Variants in DZIP3 observed in about 807,000 individuals in gnomAD.
DZIP3 encodes the protein E3 ubiquitin-protein ligase DZIP3.
Under a neutral mutation model 162.0 loss-of-function variants are expected in DZIP3, and 118 were observed. The observed-to-expected ratio is 0.73, with a 90% confidence interval of 0.63 to 0.85. The LOEUF is 0.85. Among genes scored for constraint, DZIP3 ranks in the 40% least tolerant of loss-of-function variants. DZIP3 has a pLI of 0.00. For missense variants in DZIP3, 1,331 were observed against 1,407.0 expected (o/e 0.95, Z 0.86); for synonymous variants, 438 against 458.6 (o/e 0.96, Z 0.57).
intron 26 of DZIP3, among the ~76,000 whole-genome samples, chr3:108,680,082 C>T (rs1273084841): frequency 6.6e-6 from 1 of 151,874 alleles, no homozygotes; most frequent in African/African-American, 2.4e-5. Flanking sequence ...AAGCATTTGA[C>T]AAAATTCAAC....
chr3:108,590,719 G>A (rs1348190915), intron 1 of DZIP3, among the ~76,000 whole-genome samples: 3 of 152,224 alleles, frequency 2.0e-5, no homozygotes, highest in South Asian at 4.1e-4. Context: ...GTGGTAAAGA[G>A]TAGAGAGCCA....
chr3:108,634,821 T>C (rs1427830257), intron 9 of DZIP3, 50 bp from the exon 10 acceptor site: 1 of 1,190,032 alleles, frequency 8.4e-7, no homozygotes, highest in East Asian at 2.5e-5. Context: ...TTTTTATCTA[T>C]ACAAGAATCA....
At chr3:108,648,684 A>T in intron 16 of DZIP3, 1 of 228,204 alleles carries the variant, frequency 4.4e-6, no homozygotes, top group Non-Finnish European at 9.1e-6. Context: ...TCAGTAACCT[A>T]CTTATTGACA....
intron 10 of DZIP3, among the ~76,000 whole-genome samples, chr3:108,635,874 T>G (rs1942126424): frequency 6.6e-6 from 1 of 151,612 alleles, no homozygotes; most frequent in African/African-American, 2.4e-5. Context: ...AAAGCAATTG[T>G]GGTGTAGTAG....
intron 5 of DZIP3, among the ~76,000 whole-genome samples, chr3:108,618,150 C>T (rs893544078): frequency 5.9e-5 from 9 of 152,162 alleles, no homozygotes; most frequent in African/African-American, 2.2e-4. Context: ...TTGGAATAAT[C>T]TTTGCTGATG....
intron 23 of DZIP3, 88 bp from the exon 24 acceptor site, chr3:108,673,990 C>A: frequency 9.6e-7 from 1 of 1,039,242 alleles, no homozygotes; most frequent in Non-Finnish European, 1.5e-6. Flanking sequence ...TGAGAAATAG[C>A]TTTAAATTTA....
At position 108,651,176 on chromosome 3, in the gene DZIP3, T is replaced by C; in HGVS notation, c.2033+14T>C. 1.4e-6 allele frequency: 1 copy of C among 725,732 alleles called. No homozygotes were observed. Among genetic ancestry groups the C allele is most frequent in the Non-Finnish European group, 1.9e-6 (1 of 523,630 alleles). The allele number at this position is 725,732 out of a possible 1,614,324, so 45.0% of individuals were successfully genotyped here. A position where few individuals can be genotyped will look rare whatever the true frequency, so the allele number is the denominator to read the frequency against. On this transcript the variant is annotated intron_variant, in intron 18 of 32. Coordinates refer to ENST00000361582, the MANE Select transcript of DZIP3 (RefSeq NM_014648.4). Reference sequence around the variant, plus strand: ...AGAAGACCAAGTGTAAGTATTAGTTTATTTAATTTTTAAATTTTTCTTAGT... The same window carrying C: ...AGAAGACCAAGTGTAAGTATTAGTTCATTTAATTTTTAAATTTTTCTTAGT...
intron 19 of DZIP3, among the ~76,000 whole-genome samples, chr3:108,657,401 A>G (rs1295894995): frequency 2.0e-5 from 3 of 152,126 alleles, no homozygotes; most frequent in Non-Finnish European, 2.9e-5. Context: ...CTTCATAAGT[A>G]AAGGAGAAAT....
chr3:108,643,161 T>C (rs1286071807), intron 13 of DZIP3, among the ~76,000 whole-genome samples: 4 of 152,196 alleles, frequency 2.6e-5, no homozygotes, highest in African/African-American at 9.6e-5. Context: ...TCTTGAAGGA[T>C]AAAATAATAA....
At chr3:108,632,501 G>C (rs1471924610) in intron 8 of DZIP3, among the ~76,000 whole-genome samples, 1 of 152,224 alleles carries the variant, frequency 6.6e-6, no homozygotes, top group Non-Finnish European at 1.5e-5. Context: ...CATTATAGCA[G>C]TGAATGGCAT....
chr3:108,595,919 G>A (rs1939689419), intron 1 of DZIP3, among the ~76,000 whole-genome samples: 1 of 152,076 alleles, frequency 6.6e-6, no homozygotes, highest in African/African-American at 2.4e-5. Context: ...TCTAGGTTCT[G>A]GGAATACAGC....
intron 19 of DZIP3, among the ~76,000 whole-genome samples, chr3:108,657,752 G>A (rs1412539738): frequency 2.0e-5 from 3 of 152,064 alleles, no homozygotes; most frequent in Non-Finnish European, 4.4e-5. Flanking sequence ...CCCATCTCAC[G>A]TGCAGAGACA....
chr3:108,622,940 T>C (rs913508240), intron 5 of DZIP3, among the ~76,000 whole-genome samples: 1 of 148,286 alleles, frequency 6.7e-6, no homozygotes, highest in Non-Finnish European at 1.5e-5. Context: ...ACAAGCATTC[T>C]TGTGGCCACG....
chr3:108,685,286 C>T (rs1244861830), intron 27 of DZIP3, among the ~76,000 whole-genome samples: 1 of 152,090 alleles, frequency 6.6e-6, no homozygotes, highest in Non-Finnish European at 1.5e-5. Flanking sequence ...CATTAAAATA[C>T]CTTAATCTCC....
rs1941036534 is a variant in DZIP3, at chr3:108,616,686, A to G, written c.375+29A>G. Reference sequence around the variant, plus strand: ...AGTGTTTTCTTTTTGGAAATTTGATATAATGGACTTGGTCAACATTTCTCA... The same window carrying G: ...AGTGTTTTCTTTTTGGAAATTTGATGTAATGGACTTGGTCAACATTTCTCA... On this transcript the variant is annotated intron_variant, in intron 5 of 32. Coordinates refer to ENST00000361582, the MANE Select transcript of DZIP3 (RefSeq NM_014648.4). The G allele has an allele frequency of 5.5e-6, 8 of 1,465,470 alleles. No individual in the cohort carries two copies. Among genetic ancestry groups the G allele is most frequent in the East Asian group, 2.4e-5 (1 of 41,662 alleles). 90.8% of individuals were successfully genotyped at this position (1,465,470 alleles called of 1,614,324 possible).
At position 108,675,823 on chromosome 3, in the gene DZIP3, A is replaced by G; in HGVS notation, c.2731A>G (p.Ser911Gly). 6.2e-7 allele frequency: 1 copy of G among 1,610,458 alleles called. No individual in the cohort carries two copies. The change falls in exon 25 of 33, where the codon AGT becomes GGT. Residue 911 changes from serine (S) to glycine (G), a missense_variant. Transcript: ENST00000361582. ...ACTTCAATTAAAGGCTGCGGTAGAC[A>G]GTTGGAATGCCATTGTGGCAGATGT... ...ESLQLKAAVD[S>G]WNAIVADVRN...
rs1942707273 is a variant in DZIP3, at chr3:108,648,060, G to A, written c.1910G>A (p.Gly637Glu). Residue 637 changes from glycine (G) to glutamate (E), a missense_variant, in exon 16 of 33, where the codon GGG becomes GAG. Transcript: ENST00000361582. Reference sequence around the variant, plus strand: ...CAGTTTGCAGAAATTAATAAAGATGGGACCTCAATACCCAGTGAATCTTCA... The same window carrying A: ...CAGTTTGCAGAAATTAATAAAGATGAGACCTCAATACCCAGTGAATCTTCA... ...EIQFAEINKD[G>E]TSIPSESSTE... is the part of the protein sequence containing the mutation. 2 of 1,611,490 alleles carry A rather than the reference G, an allele frequency of 1.2e-6. No individual in the cohort carries two copies. The highest frequency in any genetic ancestry group is 1.7e-6 in the Non-Finnish European group (2 of 1,178,848).
rs550144886 is a variant in DZIP3 at position 108,604,535 on chromosome 3, A to G, written c.-72-800A>G. On this transcript the variant is annotated intron_variant, in intron 1 of 32. Transcript: ENST00000361582. ...GCTATGTAAATAAATATATATACTT[A>G]TGATACTCTAGTCTCTTTGTTTTCA... 1.1e-4 allele frequency among the ~76,000 whole-genome samples: 16 copies of G among 152,280 alleles called. 1 individual carries two copies. Among genetic ancestry groups the G allele is most frequent in the Admixed American group, 6.5e-4 (10 of 15,284 alleles).
Position 108,637,480 on chromosome 3 carries a change from T to C in DZIP3, c.1012-16T>C, listed in dbSNP as rs771974260. The C allele has an allele frequency of 2.3e-5, 37 of 1,608,724 alleles. No homozygotes were observed. The highest frequency in any genetic ancestry group is 2.0e-4 in the East Asian group (9 of 44,552). On this transcript the variant is annotated splice_polypyrimidine_tract_variant and intron_variant, in intron 11 of 32. Transcript: ENST00000361582. ...TGAACTACTTTAGGGCTATTTTTTT[T>C]CCCCATTACTTGCAGTTTGAAGTTG...
Sources: gnomAD v4.1 joint callset for allele counts (sites outside exome capture counted in the v4.1 genomes callset) on GRCh38, gnomAD v4.1.1 for gene constraint, MANE v1.5 for transcripts, NCBI Gene and HGNC (gene_info 2026-07-23, HGNC 2026-07-21) for gene names.